DENND4C: variants seen among roughly 807,000 people sequenced by gnomAD.
DENND4C encodes the protein DENN domain-containing protein 4C.
DENND4C carries 108 observed loss-of-function variants against 203.0 expected under a neutral mutation model. The ratio of observed to expected loss-of-function variants is 0.53; its 90% CI spans 0.46 to 0.62. The LOEUF (loss-of-function observed/expected upper bound fraction) is 0.62. DENND4C is among the 20% of genes least tolerant of loss of function. The pLI is 0.00. For missense variants in DENND4C, 2,481 were observed against 2,301.2 expected (o/e 1.08, Z -1.60); for synonymous variants, 871 against 792.4 (o/e 1.10, Z -1.67).
In DENND4C at chr9:19,316,454, C is replaced by T. The variant is rs1563795503; in HGVS notation, c.1525C>T (p.Pro509Ser). The T allele has an allele frequency of 1.2e-6, 2 of 1,613,678 alleles. No homozygotes were observed. The highest frequency in any genetic ancestry group is 1.7e-6 in the Non-Finnish European group (2 of 1,179,936). The change falls in exon 11 of 33, where the codon CCC (proline) becomes TCC (serine). Residue 509 changes from proline to serine, a missense_variant. Pro to Ser is a moderately conservative substitution (Grantham distance 74, BLOSUM62 -1). Transcript: ENST00000434457. ...GAAGAACATGAACTGGAAGCAACTT[C>T]CCAAAAAGCCGTGCAAAAATCTACT... The part of the protein sequence containing the change: ...EKKNMNWKQL[P>S]KKPCKNLLST...
intron 1 of DENND4C, among the ~76,000 whole-genome samples, chr9:19,239,011 A>G (rs1823012550): frequency 6.6e-6 from 1 of 151,924 alleles, no homozygotes; most frequent in African/African-American, 2.4e-5. Context: ...TATGCCTTCT[A>G]TCATTGCTCA....
chr9:19,325,518 A>G (rs1314759901), intron 13 of DENND4C, among the ~76,000 whole-genome samples: 1 of 152,110 alleles, frequency 6.6e-6, no homozygotes, highest in African/African-American at 2.4e-5. Context: ...ATTTTCTCCT[A>G]TCAGTGTGAT....
rs34267662 is a variant in DENND4C, at chr9:19,268,728, G to GT, written c.-17-7421dup. Among the ~76,000 whole-genome samples the GT allele has an allele frequency of 1.5e-3, 217 of 148,764 alleles. 1 individual carries two copies. The highest frequency in any genetic ancestry group is 4.1e-3 in the African/African-American group (165 of 40,490). On this transcript the variant is annotated intron_variant, in intron 1 of 32. Transcript: ENST00000434457. ...ACTGAAAATACAGGATAAAAGTTTT[G>GT]TTTTTTTTTCAGTACTTTAAATATG...
intron 1 of DENND4C, among the ~76,000 whole-genome samples, chr9:19,272,265 A>G (rs1163316266): frequency 6.6e-6 from 1 of 151,858 alleles, no homozygotes; most frequent in Non-Finnish European, 1.5e-5. Context: ...TACAAAAAAT[A>G]CAAAATTAGC....
rs9407943 is a variant in DENND4C at position 19,328,661 on chromosome 9, A to G, written c.2253+499A>G. Among the ~76,000 whole-genome samples the G allele has an allele frequency of 4.8e-3, 488 of 101,708 alleles. 3 individuals are homozygous for G. The highest frequency in any genetic ancestry group is 7.4e-3 in the Middle Eastern group (1 of 136). The allele number at this position is 101,708 out of a possible 152,430, so 66.7% of individuals were successfully genotyped here. On this transcript the variant is annotated intron_variant, in intron 16 of 32. Coordinates refer to ENST00000434457, the MANE Select transcript of DENND4C (RefSeq NM_001330640.2). ...TGTCTGTCTGTCTGTCTGTCTGTCT[A>G]TCTATCTATCTATCTATCTATCTAT... is the stretch of plus-strand genomic sequence containing the variant.
At chr9:19,349,856 AC>A (rs1356937920) in intron 23 of DENND4C, among the ~76,000 whole-genome samples, 1 of 152,216 alleles carries the variant, frequency 6.6e-6, no homozygotes, top group East Asian at 1.9e-4. Flanking sequence ...CAGGTGAAAA[AC>A]AATATTCTAA....
chr9:19,256,265 T>G (rs1446189239), intron 1 of DENND4C, among the ~76,000 whole-genome samples: 1 of 151,672 alleles, frequency 6.6e-6, no homozygotes, highest in Non-Finnish European at 1.5e-5. Context: ...CATACTTTAT[T>G]TTTAAAAAAA....
chr9:19,313,069 C>T (rs1280995738), intron 10 of DENND4C, among the ~76,000 whole-genome samples: 1 of 152,012 alleles, frequency 6.6e-6, no homozygotes, highest in Non-Finnish European at 1.5e-5. Flanking sequence ...TTCTCTCTTT[C>T]AGATTGAATG....
chr9:19,256,841 C>T (rs999264223), intron 1 of DENND4C, among the ~76,000 whole-genome samples: 27 of 151,574 alleles, frequency 1.8e-4, no homozygotes, highest in African/African-American at 6.1e-4. Flanking sequence ...GAGGCCGAGG[C>T]AGGTGGATCA....
intron 8 of DENND4C, among the ~76,000 whole-genome samples, chr9:19,299,924 C>T (rs1437540717): frequency 1.3e-5 from 2 of 152,206 alleles, no homozygotes; most frequent in African/African-American, 2.4e-5. Context: ...CCCCTTCACT[C>T]CCATCCTTGT....
At chr9:19,329,583 C>G (rs543082532) in intron 16 of DENND4C, among the ~76,000 whole-genome samples, 8 of 152,224 alleles carry the variant, frequency 5.3e-5, no homozygotes, top group African/African-American at 1.7e-4. Flanking sequence ...ATTGCTATGT[C>G]AGATGGTTAC....
At chr9:19,347,115 C>G (rs1823088616) in intron 23 of DENND4C, 29 bp downstream of exon 23, 2 of 1,567,222 alleles carry the variant, frequency 1.3e-6, no homozygotes, top group Non-Finnish European at 1.7e-6. Flanking sequence ...TGTAGTCTGT[C>G]TGCTATTGGA....
At chr9:19,265,477 A>T (rs937364391) in intron 1 of DENND4C, among the ~76,000 whole-genome samples, 1 of 151,294 alleles carries the variant, frequency 6.6e-6, no homozygotes, top group Non-Finnish European at 1.5e-5. Flanking sequence ...ATTATACTTT[A>T]AGTTCTAGGG....
chr9:19,363,706 A>G (rs746051553), intron 30 of DENND4C, among the ~76,000 whole-genome samples: 3 of 151,888 alleles, frequency 2.0e-5, no homozygotes, highest in Non-Finnish European at 4.4e-5. Context: ...ATATAACTTT[A>G]TATTTTAAAA....
intron 30 of DENND4C, among the ~76,000 whole-genome samples, chr9:19,367,533 C>T (rs1202615197): frequency 7.2e-5 from 11 of 152,200 alleles, no homozygotes; most frequent in Admixed American, 6.5e-4. Flanking sequence ...GTCAGGAGTT[C>T]GAGACCAACC....
At chr9:19,289,799 A>G (rs1437142165) in intron 4 of DENND4C, among the ~76,000 whole-genome samples, 1 of 145,744 alleles carries the variant, frequency 6.9e-6, no homozygotes. Flanking sequence ...ACTGCACTCC[A>G]GCCTGGGTGA....
At chr9:19,249,804 T>C (rs1336371349) in intron 1 of DENND4C, among the ~76,000 whole-genome samples, 1 of 152,104 alleles carries the variant, frequency 6.6e-6, no homozygotes, top group African/African-American at 2.4e-5. Context: ...ATCACAGGCA[T>C]GTGCCACAAC....
In DENND4C at chr9:19,296,164, C is replaced by T; in HGVS notation, c.958C>T (p.Pro320Ser). 4 of 1,613,754 alleles carry T rather than the reference C, an allele frequency of 2.5e-6. No homozygotes were observed. The highest frequency in any genetic ancestry group is 3.4e-6 in the Non-Finnish European group (4 of 1,179,918). The stretch of plus-strand genomic sequence containing the variant: ...ATGCATTTGTTTACTCTCACACTGG[C>T]CTTTTTTTGAAGCTTTTAGGAAATT... ...NKCICLLSHW[P>S]FFEAFRKFLM... The change falls in exon 6 of 33, where the codon CCT (proline) becomes TCT (serine). Residue 320 changes from proline to serine, a missense_variant. Transcript: ENST00000434457.
chr9:19,331,719 G>C (rs1475867263), intron 16 of DENND4C, among the ~76,000 whole-genome samples: 1 of 152,110 alleles, frequency 6.6e-6, no homozygotes, highest in African/African-American at 2.4e-5. Flanking sequence ...AATGATCTTT[G>C]CTCTTAATTT....
Sources: gnomAD v4.1 joint callset for allele counts (sites outside exome capture counted in the v4.1 genomes callset) on GRCh38, gnomAD v4.1.1 for gene constraint, MANE v1.5 for transcripts, NCBI Gene and HGNC (gene_info 2026-07-23, HGNC 2026-07-21) for gene names.